TLN2: variants seen among roughly 807,000 people sequenced by gnomAD.
The protein encoded by TLN2 is talin-2.
A neutral mutation model predicts 294.7 loss-of-function variants in TLN2; 118 were observed. The observed-to-expected ratio is 0.40, with a 90% CI of 0.34 to 0.47. The LOEUF (loss-of-function observed/expected upper bound fraction) is 0.47. Among genes scored for constraint, TLN2 ranks in the 20% least tolerant of loss-of-function variants. The pLI is 0.84. For missense variants in TLN2, 3,083 were observed against 3,282.2 expected (o/e 0.94, Z 1.48); for synonymous variants, 1,431 against 1,304.5 (o/e 1.10, Z -2.09).
At chr15:62,760,231 A>G (rs1411901495) in intron 37 of TLN2, among the ~76,000 whole-genome samples, 1 of 152,180 alleles carries the variant, frequency 6.6e-6, no homozygotes, top group Non-Finnish European at 1.5e-5. Context: ...AAAACAGTAA[A>G]TTAGCCAGGC....
intron 46 of TLN2, among the ~76,000 whole-genome samples, chr15:62,795,153 TC>T (rs2141127119): frequency 6.6e-6 from 1 of 152,212 alleles, no homozygotes; most frequent in Non-Finnish European, 1.5e-5. Flanking sequence ...GGATGATACA[TC>T]CGTGCTTGGT....
intron 1 of TLN2, among the ~76,000 whole-genome samples, chr15:62,434,482 T>A (rs1356108848): frequency 6.6e-6 from 1 of 152,146 alleles, no homozygotes; most frequent in African/African-American, 2.4e-5. Flanking sequence ...CTCTTGTGCA[T>A]GCGCGCGCTC....
At chr15:62,434,185 A>C (rs1372555300) in intron 1 of TLN2, among the ~76,000 whole-genome samples, 1 of 152,214 alleles carries the variant, frequency 6.6e-6, no homozygotes. Flanking sequence ...AAAGGCAACC[A>C]CTGTTAGTGG....
chr15:62,567,691 C>T (rs533268634), intron 1 of TLN2, among the ~76,000 whole-genome samples: 11 of 152,218 alleles, frequency 7.2e-5, no homozygotes, highest in South Asian at 6.2e-4. Flanking sequence ...AAAAATTACC[C>T]GGGCGTGATG....
intron 50 of TLN2, among the ~76,000 whole-genome samples, chr15:62,801,147 C>T (rs931429333): frequency 6.6e-6 from 1 of 152,208 alleles, no homozygotes; most frequent in Non-Finnish European, 1.5e-5. Flanking sequence ...ATGCACATTG[C>T]TCTTGGTACC....
chr15:62,501,476 GT>G (rs1305621229), intron 1 of TLN2, among the ~76,000 whole-genome samples: 2 of 152,154 alleles, frequency 1.3e-5, no homozygotes, highest in African/African-American at 2.4e-5. Flanking sequence ...ACACTTAGTT[GT>G]TTGGTTGGCT....
intron 19 of TLN2, among the ~76,000 whole-genome samples, chr15:62,705,516 A>G (rs1347192322): frequency 1.3e-5 from 2 of 152,350 alleles, no homozygotes; most frequent in South Asian, 2.1e-4. Flanking sequence ...GACAAAATTA[A>G]TAAGAGGAAC....
chr15:62,722,528 G>C (rs2060208868), intron 26 of TLN2, 41 bp downstream of exon 26: 5 of 1,578,404 alleles, frequency 3.2e-6, no homozygotes, highest in Non-Finnish European at 4.3e-6. Context: ...GTCAGGAAGG[G>C]AGCTGGGGTG....
intron 57 of TLN2, among the ~76,000 whole-genome samples, chr15:62,837,490 A>G (rs1205346453): frequency 2.6e-5 from 4 of 152,240 alleles, no homozygotes; most frequent in African/African-American, 9.6e-5. Context: ...AGGAGAATGC[A>G]TATGACAGTG....
At chr15:62,492,189 C>A (rs909474989) in intron 1 of TLN2, among the ~76,000 whole-genome samples, 1 of 151,984 alleles carries the variant, frequency 6.6e-6, no homozygotes. Flanking sequence ...CGGTGGCTCA[C>A]GCCTGTAATC....
intron 35 of TLN2, among the ~76,000 whole-genome samples, chr15:62,753,249 C>T (rs554670384): frequency 2.0e-3 from 308 of 152,252 alleles, no homozygotes; most frequent in Non-Finnish European, 3.5e-3. Context: ...AAGTTAAGAT[C>T]CCTTCTGCTG....
intron 1 of TLN2, among the ~76,000 whole-genome samples, chr15:62,411,574 A>G (rs1469691485): frequency 2.0e-5 from 3 of 151,678 alleles, no homozygotes. Context: ...GGGGAGATAT[A>G]TTGGAGGGCT....
chr15:62,675,430 C>A, intron 11 of TLN2, 109 bp downstream of exon 11: 2 of 1,102,412 alleles, frequency 1.8e-6, no homozygotes, highest in Admixed American at 2.2e-5. Context: ...CTAGCATTTG[C>A]GGGTGGAACA....
intron 2 of TLN2, among the ~76,000 whole-genome samples, chr15:62,605,050 C>A (rs926914654): frequency 1.3e-5 from 2 of 151,598 alleles, no homozygotes; most frequent in African/African-American, 4.9e-5. Context: ...GGAAGAAAAT[C>A]AAAGGTGATG....
chr15:62,816,777 A>G (rs144774009), intron 52 of TLN2, among the ~76,000 whole-genome samples: 3 of 152,312 alleles, frequency 2.0e-5, no homozygotes, highest in South Asian at 2.1e-4. Context: ...CCATTTAACA[A>G]TGCCTATGGA....
At chr15:62,834,314 C>T (rs2069223038) in intron 55 of TLN2, 1 of 152,174 alleles carries the variant, frequency 6.6e-6, no homozygotes, top group Non-Finnish European at 1.5e-5. Context: ...GACTGGCTTT[C>T]AGAGAGCCTC....
chr15:62,689,877 T>TTTTTTTTTTTTTTTTTTA lies in TLN2; in HGVS notation c.1114-2963_1114-2962insTTTTTTTTTTTTTTTTTA, dbSNP rs71131119. The stretch of plus-strand genomic sequence containing the variant: ...TTTTTTTTTTTTTTTTTTTTTTTTT[T>TTTTTTTTTTTTTTTTTTA]ATTGGCTGACCCCCCTTCCTCCCTC... On this transcript the variant is annotated intron_variant, in intron 12 of 58. Transcript: ENST00000636159. Among the ~76,000 whole-genome samples the TTTTTTTTTTTTTTTTTTA allele has an allele frequency of 4.4e-3, 43 of 9,848 alleles. 18 individuals are homozygous for TTTTTTTTTTTTTTTTTTA. The highest frequency in any genetic ancestry group is 0.01 in the Non-Finnish European group (35 of 3,428). The allele number at this position is 9,848 out of a possible 152,430, so 6.5% of individuals were successfully genotyped here.
chr15:62,698,051 G>A (rs895089226), intron 15 of TLN2, among the ~76,000 whole-genome samples, 183 bp downstream of exon 15: 5 of 152,204 alleles, frequency 3.3e-5, no homozygotes, highest in African/African-American at 1.2e-4. Flanking sequence ...TAGTATCGGA[G>A]GTGTCCTCTG....
At chr15:62,790,209 C>G (rs974086825) in intron 45 of TLN2, among the ~76,000 whole-genome samples, 4 of 152,176 alleles carry the variant, frequency 2.6e-5, no homozygotes, top group African/African-American at 9.7e-5. Context: ...TTGATTCACT[C>G]AGTCTCATTT....
Sources: allele counts gnomAD v4.1 joint callset (sites outside exome capture counted in the v4.1 genomes callset), GRCh38; gene constraint gnomAD v4.1.1; transcripts MANE v1.5; gene names NCBI Gene and HGNC (gene_info 2026-07-23, HGNC 2026-07-21).